The following MCOLN2 variants were observed in gnomAD, a reference collection of about 807,000 sequenced individuals.
MCOLN2 encodes mucolipin-2.
In MCOLN2, 57 loss-of-function variants were observed where a neutral mutation model predicts 67.5. The observed-to-expected ratio is 0.84, with a 90% CI of 0.68 to 1.05. MCOLN2 has a LOEUF of 1.05. Ranked by LOEUF, MCOLN2 falls within the 50% of genes least tolerant of loss-of-function variation. The pLI is 0.00. For synonymous variants in MCOLN2, 246 were observed against 233.3 expected, an observed-to-expected ratio of 1.05 and a Z score of -0.50; for missense variants, 620 against 678.8, an observed-to-expected ratio of 0.91 and a Z score of 0.96.
rs749164472 is a variant in MCOLN2, at chr1:84,926,705, G to GATC, written c.1678_1680dup (p.Asp560dup). On this transcript the variant is annotated inframe_insertion, in exon 14 of 14. Transcript: ENST00000370608. ...GAACTTTAGCTAATAGGTATCAAGT[G>GATC]ATCATCACTTCTTTTCCTGTAACAG... 1.9e-6 allele frequency: 3 copies of GATC among 1,595,924 alleles called. No individual in the cohort carries two copies. In the Admixed American group the frequency reaches 5.1e-5, roughly 27 times the overall value.
chr1:84,969,464 C>T (rs1045776977), intron 1 of MCOLN2, among the ~76,000 whole-genome samples: 1 of 150,988 alleles, frequency 6.6e-6, no homozygotes, highest in Non-Finnish European at 1.5e-5. Flanking sequence ...CCAGCTACTT[C>T]GGAGGCTGAG....
Position 84,994,184 on chromosome 1 carries a change from G to C in MCOLN2, c.77+2612C>G, listed in dbSNP as rs148485275. On this transcript the variant is annotated intron_variant, in intron 1 of 13. Transcript: ENST00000370608. ...AGTGTACTGTCATCTAGGCTTTGTTGTTCCATTTACAAAGCAGAGGCAGAG... is the reference window on the plus strand; with the variant it reads ...AGTGTACTGTCATCTAGGCTTTGTTCTTCCATTTACAAAGCAGAGGCAGAG... Among the ~76,000 whole-genome samples, 117 of 152,260 alleles carry C rather than the reference G, an allele frequency of 7.7e-4. 1 individual carries two copies. The highest frequency in any genetic ancestry group is 2.6e-3 in the African/African-American group (110 of 41,544).
chr1:84,945,616 T>A (rs1648051710), intron 7 of MCOLN2, among the ~76,000 whole-genome samples: 1 of 152,218 alleles, frequency 6.6e-6, no homozygotes. Context: ...AAAAGGAAAG[T>A]CATTTAAACA....
intron 13 of MCOLN2, among the ~76,000 whole-genome samples, 173 bp from the exon 14 acceptor site, chr1:84,926,894 C>T (rs543327536): frequency 1.3e-5 from 2 of 152,084 alleles, no homozygotes; most frequent in African/African-American, 4.8e-5. Context: ...TACCAACATT[C>T]AGAAAAAATA....
chr1:84,953,760 T>A (rs1648636887), intron 4 of MCOLN2, among the ~76,000 whole-genome samples: 1 of 152,132 alleles, frequency 6.6e-6, no homozygotes, highest in South Asian at 2.1e-4. Context: ...CACATAAAAA[T>A]TAGTCTCATT....
chr1:84,977,639 C>CA (rs1327728561), intron 1 of MCOLN2, among the ~76,000 whole-genome samples: 1 of 151,860 alleles, frequency 6.6e-6, no homozygotes, highest in Non-Finnish European at 1.5e-5. Context: ...TAAGAAGAGA[C>CA]AAAAAAGTTC....
intron 1 of MCOLN2, among the ~76,000 whole-genome samples, chr1:84,996,393 CATATATATATATATATATATATATAT>C (rs6143310): frequency 0.51 from 63,239 of 124,142 alleles, 15,551 homozygotes; most frequent in East Asian, 0.64. Context: ...GTATATATTT[CATATATATATATATATATATATATAT>C]ATATATATAT....
chr1:84,959,746 C>A lies in MCOLN2; in HGVS notation c.238-1044G>T, dbSNP rs187514491. On this transcript the variant is annotated intron_variant, in intron 2 of 13. Transcript: ENST00000370608. Reference sequence around the variant, plus strand: ...AAGTTTGCTCCAAGTCCTCACTCAACTAAGCCACCAAATTTTGGGACTGTT... The same window carrying A: ...AAGTTTGCTCCAAGTCCTCACTCAAATAAGCCACCAAATTTTGGGACTGTT... Among the ~76,000 whole-genome samples, 26 of 152,324 alleles carry A rather than the reference C, an allele frequency of 1.7e-4. 1 individual carries two copies. The highest frequency in any genetic ancestry group is 5.9e-5 in the Non-Finnish European group (4 of 68,030).
chr1:84,927,456 G>C (rs1056103340), intron 13 of MCOLN2, among the ~76,000 whole-genome samples: 1 of 152,174 alleles, frequency 6.6e-6, no homozygotes, highest in Non-Finnish European at 1.5e-5. Flanking sequence ...GAGGTCATCT[G>C]GTCCATCTAA....
chr1:84,954,521 T>C (rs1360409658), intron 4 of MCOLN2, among the ~76,000 whole-genome samples: 1 of 152,236 alleles, frequency 6.6e-6, no homozygotes, highest in Non-Finnish European at 1.5e-5. Context: ...CCTTGTGAGA[T>C]AGGCACTATT....
rs371240580 is a variant in MCOLN2 at position 84,952,313 on chromosome 1, T to A, written c.677A>T (p.His226Leu). Residue 226 changes from histidine (H) to leucine (L), a missense_variant, in exon 6 of 14, where the codon CAT (histidine) becomes CTT (leucine). Coordinates refer to ENST00000370608, the MANE Select transcript of MCOLN2 (RefSeq NM_153259.4). ...YRLLQVEISF[H>L]LKGIDLQTIH... The stretch of plus-strand genomic sequence containing the variant: ...TGTCTGTAGGTCAATGCCTTTAAGA[T>A]GAAAGGAGATTTCAACCTGTAAGAG... 54 of 1,613,468 alleles carry A rather than the reference T, an allele frequency of 3.3e-5. No individual in the cohort carries two copies. The South Asian group carries it at 5.6e-4, about 17-fold the overall frequency.
At chr1:84,933,486 C>A (rs1048725771) in intron 11 of MCOLN2, among the ~76,000 whole-genome samples, 6 of 152,182 alleles carry the variant, frequency 3.9e-5, no homozygotes, top group Non-Finnish European at 5.9e-5. Context: ...GATCACTTAA[C>A]AATATGTAGA....
intron 7 of MCOLN2, among the ~76,000 whole-genome samples, chr1:84,944,066 A>G (rs752063536): frequency 1.3e-4 from 20 of 152,202 alleles, no homozygotes; most frequent in African/African-American, 1.9e-4. Context: ...CCTTTCTGAC[A>G]TAAAACTAGA....
chr1:84,966,743 T>G (rs1383934568), intron 1 of MCOLN2, among the ~76,000 whole-genome samples: 1 of 152,198 alleles, frequency 6.6e-6, no homozygotes, highest in Admixed American at 6.5e-5. Context: ...GACTCAGGAA[T>G]GGGCACATGA....
chr1:84,939,077 C>T (rs548259227), intron 9 of MCOLN2, among the ~76,000 whole-genome samples: 3 of 151,976 alleles, frequency 2.0e-5, no homozygotes, highest in Non-Finnish European at 2.9e-5. Context: ...AGAGAATGGA[C>T]GGGAGAATAG....
intron 2 of MCOLN2, among the ~76,000 whole-genome samples, chr1:84,962,350 A>C (rs1489136519): frequency 6.6e-6 from 1 of 152,190 alleles, no homozygotes; most frequent in East Asian, 1.9e-4. Flanking sequence ...GTTCAAATCA[A>C]GTCTGGGCAA....
intron 7 of MCOLN2, among the ~76,000 whole-genome samples, chr1:84,941,213 T>G (rs1274677112): frequency 1.3e-5 from 2 of 152,200 alleles, no homozygotes; most frequent in African/African-American, 4.8e-5. Context: ...ACATGTGAGC[T>G]GGGCCAGGCA....
intron 1 of MCOLN2, among the ~76,000 whole-genome samples, chr1:84,969,355 G>A (rs1206544117): frequency 1.3e-5 from 2 of 152,152 alleles, no homozygotes; most frequent in African/African-American, 2.4e-5. Context: ...TGGATCACCT[G>A]AGGTCAGGAG....
chr1:84,927,679 C>T (rs1037470014), intron 13 of MCOLN2, among the ~76,000 whole-genome samples: 2 of 152,210 alleles, frequency 1.3e-5, no homozygotes, highest in Non-Finnish European at 2.9e-5. Context: ...TCATGGTCAC[C>T]AGACAGGGGG....
Sources: gnomAD v4.1 joint callset for allele counts (sites outside exome capture counted in the v4.1 genomes callset) on GRCh38, gnomAD v4.1.1 for gene constraint, MANE v1.5 for transcripts, NCBI Gene and HGNC (gene_info 2026-07-23, HGNC 2026-07-21) for gene names.